The following DTD1 variants were observed in gnomAD, a reference collection of about 807,000 sequenced individuals.
DTD1 encodes D-tyrosyl-tRNA deacylase 1 homolog.
Under a neutral mutation model 25.6 loss-of-function variants are expected in DTD1, and 13 were observed. That is an observed-to-expected ratio of 0.51 (90% CI 0.33 to 0.81). The LOEUF is 0.81. Ranked by LOEUF, DTD1 falls within the 30% of genes least tolerant of loss-of-function variation. The pLI is 0.02. For synonymous variants in DTD1, 110 were observed against 103.6 expected (o/e 1.06, Z -0.37); for missense variants, 193 against 266.4 (o/e 0.72, Z 1.92).
chr20:18,709,494 C>T (rs2061149940), intron 4 of DTD1, among the ~76,000 whole-genome samples: 2 of 152,126 alleles, frequency 1.3e-5, no homozygotes, highest in Non-Finnish European at 2.9e-5. Flanking sequence ...CTACCTGGCT[C>T]CTAAAGGTGC....
chr20:18,704,998 A>G (rs974506501), intron 4 of DTD1, among the ~76,000 whole-genome samples: 39 of 152,220 alleles, frequency 2.6e-4, no homozygotes, highest in African/African-American at 9.2e-4. Context: ...TAGCATGGCC[A>G]CTAACCACAA....
At chr20:18,744,636 C>CAAAA (rs796918448) in intron 5 of DTD1, among the ~76,000 whole-genome samples, 16 of 11,328 alleles carry the variant, frequency 1.4e-3, no homozygotes, top group Non-Finnish European at 4.3e-3. Context: ...GACTCCATCT[C>CAAAA]AAAAAAAAAA....
chr20:18,614,742 T>A (rs959601203), intron 3 of DTD1, among the ~76,000 whole-genome samples: 13 of 152,080 alleles, frequency 8.5e-5, no homozygotes, highest in Admixed American at 4.6e-4. Context: ...TGTGGGCCCA[T>A]TTAGAGGCAC....
chr20:18,722,459 T>C (rs899110863), intron 4 of DTD1, among the ~76,000 whole-genome samples: 2 of 152,216 alleles, frequency 1.3e-5, no homozygotes, highest in African/African-American at 4.8e-5. Flanking sequence ...AGGGGAAAGA[T>C]TTTATGTTCA....
intron 3 of DTD1, among the ~76,000 whole-genome samples, chr20:18,599,045 C>G (rs898808884): frequency 6.6e-6 from 1 of 152,124 alleles, no homozygotes; most frequent in Non-Finnish European, 1.5e-5. Flanking sequence ...TTTGTATTAG[C>G]ACTGAATAAT....
At chr20:18,681,773 G>A (rs1255722110) in intron 4 of DTD1, among the ~76,000 whole-genome samples, 1 of 152,226 alleles carries the variant, frequency 6.6e-6, no homozygotes, top group Non-Finnish European at 1.5e-5. Flanking sequence ...GTTAAAAGAA[G>A]TTCTTCTGGT....
At chr20:18,702,671 C>T (rs375545030) in intron 4 of DTD1, among the ~76,000 whole-genome samples, 2 of 146,922 alleles carry the variant, frequency 1.4e-5, no homozygotes, top group African/African-American at 5.0e-5. Context: ...AACATGCCTG[C>T]CATATAGGAT....
intron 4 of DTD1, among the ~76,000 whole-genome samples, chr20:18,725,641 C>T (rs2061220325): frequency 6.6e-6 from 1 of 152,102 alleles, no homozygotes; most frequent in Non-Finnish European, 1.5e-5. Flanking sequence ...CTGTAATAGC[C>T]TCACTTTGAA....
intron 4 of DTD1, among the ~76,000 whole-genome samples, chr20:18,726,507 A>C (rs1209330313): frequency 6.6e-6 from 1 of 152,184 alleles, no homozygotes; most frequent in Non-Finnish European, 1.5e-5. Context: ...CCTGTCACTC[A>C]TCAGGGTAAA....
intron 5 of DTD1, among the ~76,000 whole-genome samples, chr20:18,757,043 G>T (rs1216484897): frequency 6.6e-6 from 1 of 151,274 alleles, no homozygotes; most frequent in Admixed American, 6.6e-5. Context: ...TTGTGAATGG[G>T]AGTTCACTCA....
chr20:18,671,896 A>G (rs1568664344), intron 4 of DTD1, among the ~76,000 whole-genome samples: 3 of 152,208 alleles, frequency 2.0e-5, no homozygotes, highest in South Asian at 2.1e-4. Context: ...AGAACGTTCA[A>G]GAGCAACCCA....
intron 4 of DTD1, among the ~76,000 whole-genome samples, chr20:18,687,245 G>A (rs1600368872): frequency 6.6e-6 from 1 of 152,198 alleles, no homozygotes; most frequent in African/African-American, 2.4e-5. Flanking sequence ...GTCCCAGAGA[G>A]GGCCAGTGCT....
chr20:18,658,949 C>T (rs1253262057), intron 4 of DTD1, among the ~76,000 whole-genome samples: 1 of 152,090 alleles, frequency 6.6e-6, no homozygotes, highest in African/African-American at 2.4e-5. Context: ...AGGTCACTTA[C>T]CTCTCTGTAG....
At chr20:18,708,239 TA>T (rs368948420) in intron 4 of DTD1, among the ~76,000 whole-genome samples, 10,634 of 19,256 alleles carry the variant, frequency 0.55, 1,901 homozygotes, top group East Asian at 0.62. Context: ...ATTTTATATA[TA>T]TATAATATAT....
At chr20:18,632,175 A>C in intron 4 of DTD1, 2 of 985,422 alleles carry the variant, frequency 2.0e-6, no homozygotes, top group Non-Finnish European at 2.4e-6. Context: ...CCCAAATCAA[A>C]AAATCCTCAA....
intron 4 of DTD1, among the ~76,000 whole-genome samples, chr20:18,696,430 C>T (rs1048135066): frequency 1.3e-5 from 2 of 152,140 alleles, no homozygotes; most frequent in African/African-American, 4.8e-5. Flanking sequence ...CCCTCCTAGA[C>T]TGGGGGTCCT....
At chr20:18,727,229 G>T (rs1406165136) in intron 4 of DTD1, among the ~76,000 whole-genome samples, 1 of 152,244 alleles carries the variant, frequency 6.6e-6, no homozygotes, top group Non-Finnish European at 1.5e-5. Context: ...GCTCCCGGGG[G>T]TGAGGTGTTG....
intron 4 of DTD1, among the ~76,000 whole-genome samples, chr20:18,731,915 C>T (rs1230565455): frequency 1.3e-5 from 2 of 152,132 alleles, no homozygotes; most frequent in African/African-American, 4.8e-5. Context: ...CCTCCTGCTC[C>T]CAGGCCTTCG....
chr20:18,751,972 T>C (rs1249420007), intron 5 of DTD1, among the ~76,000 whole-genome samples: 1 of 152,008 alleles, frequency 6.6e-6, no homozygotes, highest in Non-Finnish European at 1.5e-5. Flanking sequence ...AAAAGAAATA[T>C]TTAAATATTT....
Sources: allele counts gnomAD v4.1 joint callset (sites outside exome capture counted in the v4.1 genomes callset), GRCh38; gene constraint gnomAD v4.1.1; transcripts MANE v1.5; gene names NCBI Gene and HGNC (gene_info 2026-07-23, HGNC 2026-07-21).